Variants in CHST11 observed in about 807,000 individuals in gnomAD.
CHST11 encodes the protein carbohydrate sulfotransferase 11, also known as C4S-1.
A neutral mutation model predicts 30.4 loss-of-function variants in CHST11; 9 were observed. The observed-to-expected ratio is 0.30, with a 90% CI of 0.18 to 0.52. The LOEUF is 0.52. Among genes scored for constraint, CHST11 ranks in the 20% least tolerant of loss-of-function variants. The pLI is 0.97. For missense variants in CHST11, 348 were observed against 460.6 expected (o/e 0.76, Z 2.24); for synonymous variants, 152 against 187.8 (o/e 0.81, Z 1.56).
chr12:104,558,048 T>A (rs965276289), intron 1 of CHST11, among the ~76,000 whole-genome samples: 4 of 152,028 alleles, frequency 2.6e-5, no homozygotes, highest in Non-Finnish European at 5.9e-5. Context: ...GAGGACCTTT[T>A]CCAGCCGCAG....
intron 2 of CHST11, among the ~76,000 whole-genome samples, chr12:104,602,630 C>G (rs2038967560): frequency 6.6e-6 from 1 of 152,170 alleles, no homozygotes; most frequent in African/African-American, 2.4e-5. Context: ...ATGGCAACAG[C>G]CTCAGTGGTG....
intron 2 of CHST11, among the ~76,000 whole-genome samples, chr12:104,743,027 G>A (rs558884067): frequency 5.9e-4 from 90 of 152,318 alleles, no homozygotes; most frequent in African/African-American, 2.0e-3. Context: ...GGAAGCCCAC[G>A]AGGCCTCATT....
At chr12:104,547,365 G>A (rs1216398555) in intron 1 of CHST11, among the ~76,000 whole-genome samples, 1 of 152,188 alleles carries the variant, frequency 6.6e-6, no homozygotes, top group Non-Finnish European at 1.5e-5. Context: ...GGCGCCAGGA[G>A]CCGCAAGATT....
chr12:104,710,967 C>T (rs968408691), intron 2 of CHST11, among the ~76,000 whole-genome samples: 1 of 152,160 alleles, frequency 6.6e-6, no homozygotes, highest in African/African-American at 2.4e-5. Flanking sequence ...TAGCCTCTAT[C>T]GTAGAGTCTG....
chr12:104,607,765 C>G (rs1308089481), intron 2 of CHST11, among the ~76,000 whole-genome samples: 2 of 152,098 alleles, frequency 1.3e-5, no homozygotes, highest in African/African-American at 4.8e-5. Context: ...GCATGTGGAT[C>G]AGGTCATGTC....
chr12:104,485,720 A>G (rs1159434068), intron 1 of CHST11, among the ~76,000 whole-genome samples: 2 of 152,194 alleles, frequency 1.3e-5, no homozygotes, highest in African/African-American at 4.8e-5. Flanking sequence ...TTCAAGCCCA[A>G]AGCAACTTTA....
In CHST11 at chr12:104,487,694, TC is replaced by T. The variant is rs574740185; in HGVS notation, c.118+30167del. On this transcript the variant is annotated intron_variant, in intron 1 of 2. Coordinates refer to ENST00000303694, the MANE Select transcript of CHST11 (RefSeq NM_018413.6). ...CTTAGATTGCTGGCTCCTTTAAGAA[TC>T]CTGTAAAAATGCATACGAAACAGTA... 1.5e-3 allele frequency among the ~76,000 whole-genome samples: 231 copies of T among 152,012 alleles called. 3 individuals are homozygous for T. The highest frequency in any genetic ancestry group is 5.4e-4 in the Non-Finnish European group (37 of 68,004).
At chr12:104,639,181 G>T (rs1403688243) in intron 2 of CHST11, among the ~76,000 whole-genome samples, 2 of 152,172 alleles carry the variant, frequency 1.3e-5, no homozygotes, top group African/African-American at 4.8e-5. Context: ...TTCAGGTCTG[G>T]AGTCACATAA....
chr12:104,719,466 CACAGG>C (rs1186274513), intron 2 of CHST11, among the ~76,000 whole-genome samples: 1 of 152,218 alleles, frequency 6.6e-6, no homozygotes, highest in East Asian at 1.9e-4. Context: ...CTCTCTCGTG[CACAGG>C]TGCACGCACA....
At chr12:104,708,594 G>A (rs2040056968) in intron 2 of CHST11, among the ~76,000 whole-genome samples, 2 of 152,254 alleles carry the variant, frequency 1.3e-5, no homozygotes, top group Non-Finnish European at 2.9e-5. Context: ...CGTCCTCCAA[G>A]GCTTCATCTT....
Position 104,617,200 on chromosome 12 carries a change from C to T in CHST11, c.204+15209C>T, listed in dbSNP as rs2136057494. The stretch of plus-strand genomic sequence containing the variant: ...CAGTACCTGTAAAAGGAGAACCTGT[C>T]CAGCCTGGGTGGTGTCCCTGGAGTG... On this transcript the variant is annotated intron_variant, in intron 2 of 2. Coordinates refer to ENST00000303694, the MANE Select transcript of CHST11 (RefSeq NM_018413.6). Among the ~76,000 whole-genome samples, 3 of 152,244 alleles carry T rather than the reference C, an allele frequency of 2.0e-5. No homozygotes were observed. The Middle Eastern group carries it at 0.01, about 521-fold the overall frequency.
intron 2 of CHST11, among the ~76,000 whole-genome samples, chr12:104,665,812 C>CTTTTTTTTTTT (rs59199522): frequency 1.3e-5 from 1 of 78,842 alleles, no homozygotes; most frequent in Non-Finnish European, 2.3e-5. Context: ...CTCTCTGTCT[C>CTTTTTTTTTTT]TTTTTTTTTT....
intron 2 of CHST11, among the ~76,000 whole-genome samples, chr12:104,736,182 C>A (rs76076516): frequency 1.9e-4 from 29 of 152,242 alleles, no homozygotes; most frequent in Non-Finnish European, 3.2e-4. Context: ...TGGTATAAAT[C>A]CTCCCTTCCC....
intron 1 of CHST11, among the ~76,000 whole-genome samples, chr12:104,517,376 A>G (rs28573865): frequency 6.8e-4 from 104 of 152,286 alleles, no homozygotes; most frequent in South Asian, 2.9e-3. Context: ...TTTTATGGTC[A>G]TCAGTGCCCT....
intron 1 of CHST11, among the ~76,000 whole-genome samples, chr12:104,572,356 G>T (rs2038636822): frequency 1.3e-5 from 2 of 151,492 alleles, no homozygotes; most frequent in African/African-American, 2.4e-5. Context: ...GACTTTTTTT[G>T]GTTGGTAAGC....
chr12:104,712,994 G>A (rs562013154), intron 2 of CHST11, among the ~76,000 whole-genome samples: 9 of 151,666 alleles, frequency 5.9e-5, no homozygotes, highest in East Asian at 1.9e-4. Context: ...CAGGACCCCC[G>A]AGATAAATAA....
chr12:104,668,663 C>T (rs835490), intron 2 of CHST11, among the ~76,000 whole-genome samples: 67,341 of 151,864 alleles, frequency 0.44, 15,931 homozygotes, highest in African/African-American at 0.62. Context: ...TTATTATCCC[C>T]CCGGGTGGAT....
chr12:104,678,644 A>G (rs967015811), intron 2 of CHST11, among the ~76,000 whole-genome samples: 3 of 152,242 alleles, frequency 2.0e-5, no homozygotes, highest in East Asian at 3.8e-4. Context: ...CCGTTGCTAC[A>G]GTAATTCTGC....
chr12:104,581,684 C>A (rs2038745806), intron 1 of CHST11, among the ~76,000 whole-genome samples: 1 of 152,138 alleles, frequency 6.6e-6, no homozygotes, highest in Admixed American at 6.5e-5. Flanking sequence ...ACAGAGACTT[C>A]CCCAGCTGTT....
Sources: gnomAD v4.1 joint callset for allele counts (sites outside exome capture counted in the v4.1 genomes callset) on GRCh38, gnomAD v4.1.1 for gene constraint, MANE v1.5 for transcripts, NCBI Gene and HGNC (gene_info 2026-07-23, HGNC 2026-07-21) for gene names.